The following TOGARAM1 variants were observed in gnomAD, a reference collection of about 807,000 sequenced individuals.
TOGARAM1 encodes TOG array regulator of axonemal microtubules protein 1.
TOGARAM1 carries 100 observed loss-of-function variants against 166.6 expected under a neutral mutation model. The observed-to-expected ratio is 0.60, with a 90% CI of 0.51 to 0.71. The LOEUF is 0.71. Ranked by LOEUF, TOGARAM1 falls within the 30% of genes least tolerant of loss-of-function variation. The pLI is 0.00. For missense variants in TOGARAM1, 2,029 were observed against 2,102.7 expected (o/e 0.96, Z 0.69); for synonymous variants, 758 against 763.8 (o/e 0.99, Z 0.13).
At chr14:45,048,594 C>T (rs1426080870) in intron 14 of TOGARAM1, among the ~76,000 whole-genome samples, 1 of 152,144 alleles carries the variant, frequency 6.6e-6, no homozygotes, top group Non-Finnish European at 1.5e-5. Context: ...TGGCATGGCT[C>T]ACCTCAGTTC....
Position 45,012,024 on chromosome 14 carries a change from T to G in TOGARAM1, c.3187T>G (p.Ser1063Ala). The change falls in exon 7 of 20, where the codon TCT becomes GCT. Residue 1063 changes from serine to alanine, a missense_variant. Transcript: ENST00000361462. Reference sequence around the variant, plus strand: ...GTCAAAACCTTGTCCAACAAGACTTTCTTCTGCAAAGAAAAAAATTTCTCA... The same window carrying G: ...GTCAAAACCTTGTCCAACAAGACTTGCTTCTGCAAAGAAAAAAATTTCTCA... ...FGSKPCPTRL[S>A]SAKKKISHIA... is the part of the protein sequence containing the mutation. 6.2e-7 allele frequency: 1 copy of G among 1,611,780 alleles called. No individual in the cohort carries two copies. Among genetic ancestry groups the G allele is most frequent in the Admixed American group, 1.7e-5 (1 of 59,660 alleles).
intron 1 of TOGARAM1, among the ~76,000 whole-genome samples, chr14:44,970,427 G>A (rs578066835): frequency 6.6e-5 from 10 of 152,072 alleles, no homozygotes; most frequent in East Asian, 3.9e-4. Context: ...TTTATTATTC[G>A]CAGGAGGATT....
At chr14:45,059,515 G>A (rs972802122) in intron 16 of TOGARAM1, among the ~76,000 whole-genome samples, 2 of 152,106 alleles carry the variant, frequency 1.3e-5, no homozygotes, top group Non-Finnish European at 2.9e-5. Flanking sequence ...TGGACGTGAT[G>A]GCGCACGCCT....
intron 1 of TOGARAM1, among the ~76,000 whole-genome samples, chr14:44,968,714 C>T (rs567402132): frequency 6.6e-6 from 1 of 152,192 alleles, no homozygotes; most frequent in Non-Finnish European, 1.5e-5. Flanking sequence ...ATATAATTAT[C>T]ACCCAAGGCC....
In TOGARAM1 at chr14:44,999,476, A is replaced by G. The variant is rs1887594976; in HGVS notation, c.2317A>G (p.Thr773Ala). 2 of 1,606,944 alleles carry G rather than the reference A, an allele frequency of 1.2e-6. No homozygotes were observed. Among genetic ancestry groups the G allele is most frequent in the East Asian group, 2.2e-5 (1 of 44,730 alleles). The change falls in exon 3 of 20, where the codon ACT becomes GCT. Residue 773 changes from threonine (T) to alanine (A), a missense_variant. Coordinates refer to ENST00000361462, the MANE Select transcript of TOGARAM1 (RefSeq NM_001308120.2). ...TTCTGACTTACAATTCCTAGGGACAACTAGCAGTCATCAAGAAAAAGGTAT... is the reference window on the plus strand; with the variant it reads ...TTCTGACTTACAATTCCTAGGGACAGCTAGCAGTCATCAAGAAAAAGGTAT... ...VGSDLQFLGT[T>A]SSHQEKVYAS...
chr14:45,064,916 AT>A (rs1282072722), intron 16 of TOGARAM1, among the ~76,000 whole-genome samples: 1 of 151,816 alleles, frequency 6.6e-6, no homozygotes, highest in African/African-American at 2.4e-5. Context: ...GCATTTTGGT[AT>A]TTCATGTATT....
intron 1 of TOGARAM1, among the ~76,000 whole-genome samples, chr14:44,989,535 C>G (rs1441570148): frequency 6.6e-6 from 1 of 150,702 alleles, no homozygotes; most frequent in Non-Finnish European, 1.5e-5. Context: ...AAAGGAGCAG[C>G]CTATATCAGT....
chr14:45,000,010 T>A (rs1887620826), intron 3 of TOGARAM1, among the ~76,000 whole-genome samples: 1 of 152,150 alleles, frequency 6.6e-6, no homozygotes, highest in Non-Finnish European at 1.5e-5. Flanking sequence ...TTATTTATTT[T>A]GAGATGGAGT....
At chr14:45,062,655 A>G (rs914316638) in intron 16 of TOGARAM1, among the ~76,000 whole-genome samples, 2 of 152,204 alleles carry the variant, frequency 1.3e-5, no homozygotes, top group Non-Finnish European at 2.9e-5. Context: ...TATTCATACA[A>G]TCATTCTGTT....
Position 44,962,291 on chromosome 14 carries a change from C to A in TOGARAM1, c.-131C>A, listed in dbSNP as rs1248716933. 4.2e-6 allele frequency: 5 copies of A among 1,186,984 alleles called. No homozygotes were observed. Among genetic ancestry groups the A allele is most frequent in the Middle Eastern group, 3.0e-4 (1 of 3,340 alleles). The allele number at this position is 1,186,984 out of a possible 1,614,324, so 73.5% of individuals were successfully genotyped here. ...CCTCCCGGAGTTGGGGGCGGCCTGG[C>A]GGCAGGCTGAAGCTGTTCTTTTGCC... On this transcript the variant is annotated 5_prime_UTR_variant, in exon 1 of 20. Transcript: ENST00000361462.
At chr14:45,052,779 T>C (rs1434965448) in intron 15 of TOGARAM1, among the ~76,000 whole-genome samples, 2 of 152,222 alleles carry the variant, frequency 1.3e-5, no homozygotes, top group African/African-American at 4.8e-5. Flanking sequence ...AGAAGCTTGA[T>C]GTTTGGTAGA....
At chr14:45,052,386 A>C (rs138221710) in intron 14 of TOGARAM1, 50 bp from the exon 15 acceptor site, 1 of 1,545,896 alleles carries the variant, frequency 6.5e-7, no homozygotes, top group South Asian at 1.2e-5. Flanking sequence ...TCAGCAACTG[A>C]GCTTATTAAT....
intron 1 of TOGARAM1, among the ~76,000 whole-genome samples, chr14:44,986,384 G>C (rs1886794931): frequency 6.6e-6 from 1 of 152,062 alleles, no homozygotes; most frequent in Non-Finnish European, 1.5e-5. Context: ...CAAACTCCTG[G>C]GTTTGAGCGA....
At position 45,073,367 on chromosome 14, in the gene TOGARAM1, C is replaced by CTA. The variant is rs1385733427; in HGVS notation, c.5129_5130insAT (p.Leu1711SerfsTer2). The CTA allele has an allele frequency of 6.2e-7, 1 of 1,614,122 alleles. No homozygotes were observed. The highest frequency in any genetic ancestry group is 2.2e-5 in the East Asian group (1 of 44,878). On this transcript the variant is annotated frameshift_variant, in exon 20 of 20. Coordinates refer to ENST00000361462, the MANE Select transcript of TOGARAM1 (RefSeq NM_001308120.2). LOFTEE classifies it high-confidence loss of function. ...GAAAGTGTTGGTTGTTTTATGGCATCTCTTAGGAAATATGACAAATAGTGG... is the reference window on the plus strand; with the variant it reads ...GAAAGTGTTGGTTGTTTTATGGCATCTATCTTAGGAAATATGACAAATAGTGG...
chr14:45,039,841 G>A (rs767000858), intron 11 of TOGARAM1, among the ~76,000 whole-genome samples: 2 of 152,096 alleles, frequency 1.3e-5, no homozygotes, highest in African/African-American at 2.4e-5. Flanking sequence ...CTACTCAGAC[G>A]GGGGCATGGC....
At chr14:44,976,735 A>G (rs767319210) in intron 1 of TOGARAM1, among the ~76,000 whole-genome samples, 3 of 152,232 alleles carry the variant, frequency 2.0e-5, no homozygotes, top group Non-Finnish European at 2.9e-5. Flanking sequence ...AGACCAGCAC[A>G]TGATACTGGG....
intron 16 of TOGARAM1, among the ~76,000 whole-genome samples, chr14:45,063,479 G>GTTCTTTTTTTTTTTTTTTTTTTTTT (rs1882992970): frequency 8.4e-6 from 1 of 118,690 alleles, no homozygotes; most frequent in South Asian, 2.6e-4. Context: ...ATTTGACAAA[G>GTTCTTTTTTTTTTTTTTTTTTTTTT]TTTTTTTTTT....
rs1413270334 is a variant in TOGARAM1 at position 45,070,567 on chromosome 14, C to G, written c.4970-1145C>G. ...TCTCCTAATATTTTCTTTTCTCTAG[C>G]TTACTTTTTTGTAAGAATACAGTAT... On this transcript the variant is annotated intron_variant, in intron 18 of 19. Transcript: ENST00000361462. Among the ~76,000 whole-genome samples, 3 of 152,268 alleles carry G rather than the reference C, an allele frequency of 2.0e-5. No individual in the cohort carries two copies. The East Asian group carries it at 5.8e-4, about 29-fold the overall frequency.
At chr14:45,045,768 T>A (rs1176746005) in intron 13 of TOGARAM1, among the ~76,000 whole-genome samples, 1 of 144,402 alleles carries the variant, frequency 6.9e-6, no homozygotes, top group African/African-American at 2.6e-5. Flanking sequence ...CATATATATA[T>A]AAAACATTTT....
Sources: gnomAD v4.1 joint callset for allele counts (sites outside exome capture counted in the v4.1 genomes callset) on GRCh38, gnomAD v4.1.1 for gene constraint, MANE v1.5 for transcripts, NCBI Gene and HGNC (gene_info 2026-07-23, HGNC 2026-07-21) for gene names.